FYB1: variants seen among roughly 807,000 people sequenced by gnomAD.
FYB1 encodes the protein FYN-binding protein 1.
A neutral mutation model predicts 94.1 loss-of-function variants in FYB1; 41 were observed. The observed-to-expected ratio is 0.44, with a 90% CI of 0.34 to 0.57. FYB1 has a LOEUF of 0.57. Ranked by LOEUF, FYB1 falls within the 20% of genes least tolerant of loss-of-function variation. FYB1 has a pLI of 0.02. For synonymous variants in FYB1, 367 were observed against 353.2 expected (o/e 1.04, Z -0.44); for missense variants, 1,050 against 976.8 (o/e 1.07, Z -1.00).
intron 5 of FYB1, 28 bp from the exon 6 acceptor site, chr5:39,138,719 A>T (rs1158470763): frequency 7.7e-7 from 1 of 1,305,730 alleles, no homozygotes; most frequent in Non-Finnish European, 1.1e-6. Context: ...GATAATGATT[A>T]ATTTTTATTA....
chr5:39,152,384 T>C (rs1251094039), intron 3 of FYB1, among the ~76,000 whole-genome samples: 2 of 152,228 alleles, frequency 1.3e-5, no homozygotes, highest in African/African-American at 4.8e-5. Flanking sequence ...TCCAATATTG[T>C]TATTAACAGT....
chr5:39,228,890 C>T (rs898757830), intron 1 of FYB1, among the ~76,000 whole-genome samples: 15 of 152,084 alleles, frequency 9.9e-5, no homozygotes, highest in African/African-American at 2.9e-4. Flanking sequence ...CAGTTGATGA[C>T]CCCTTTGGGA....
chr5:39,125,517 A>C (rs1056746459), intron 12 of FYB1, among the ~76,000 whole-genome samples: 2 of 152,216 alleles, frequency 1.3e-5, no homozygotes, highest in South Asian at 4.1e-4. Flanking sequence ...CTTAGAGAAA[A>C]AAATTCAAAA....
intron 2 of FYB1, among the ~76,000 whole-genome samples, chr5:39,195,777 T>A (rs934765138): frequency 6.6e-6 from 1 of 152,216 alleles, no homozygotes; most frequent in Non-Finnish European, 1.5e-5. Context: ...GGGATTCTTA[T>A]GAACCCAAAC....
chr5:39,198,225 G>C (rs920527575), intron 2 of FYB1, among the ~76,000 whole-genome samples: 1 of 152,116 alleles, frequency 6.6e-6, no homozygotes, highest in Non-Finnish European at 1.5e-5. Context: ...CACGGAAAGA[G>C]GTAAAGCGAA....
intron 1 of FYB1, among the ~76,000 whole-genome samples, chr5:39,234,497 A>T (rs1373284968): frequency 6.6e-6 from 1 of 152,214 alleles, no homozygotes; most frequent in African/African-American, 2.4e-5. Context: ...TTCCTCAAGG[A>T]TCTAGAATTA....
At chr5:39,243,577 T>C (rs1436108653) in intron 1 of FYB1, among the ~76,000 whole-genome samples, 5 of 152,188 alleles carry the variant, frequency 3.3e-5, no homozygotes, top group East Asian at 1.9e-4. Context: ...GGTGGCGTGA[T>C]GCCTCCAGCT....
intron 17 of FYB1, among the ~76,000 whole-genome samples, chr5:39,110,026 A>G (rs1738910695): frequency 6.6e-6 from 1 of 152,160 alleles, no homozygotes; most frequent in African/African-American, 2.4e-5. Context: ...TTGCATTAGC[A>G]AGTAAAATGC....
chr5:39,223,108 C>T (rs1035868434), upstream of FYB1, among the ~76,000 whole-genome samples: 19 of 151,560 alleles, frequency 1.3e-4, no homozygotes, highest in African/African-American at 4.6e-4. Flanking sequence ...TACCCTGGAA[C>T]TTAAAATAAA....
intron 1 of FYB1, among the ~76,000 whole-genome samples, chr5:39,253,462 T>C (rs1398816306): frequency 1.3e-5 from 2 of 152,050 alleles, no homozygotes; most frequent in Admixed American, 6.6e-5. Context: ...AACAACAAAA[T>C]CTTTTTTTTA....
chr5:39,125,120 T>A (rs1740516159), intron 12 of FYB1, among the ~76,000 whole-genome samples: 1 of 152,116 alleles, frequency 6.6e-6, no homozygotes, highest in African/African-American at 2.4e-5. Context: ...AGGGTTATAT[T>A]TGAGTAATGC....
intron 2 of FYB1, among the ~76,000 whole-genome samples, chr5:39,155,172 T>C (rs1356121843): frequency 6.6e-6 from 1 of 152,218 alleles, no homozygotes; most frequent in Non-Finnish European, 1.5e-5. Context: ...ACACAGCATG[T>C]GACACAAACA....
chr5:39,194,740 T>C (rs1747678059), intron 2 of FYB1, among the ~76,000 whole-genome samples: 1 of 151,956 alleles, frequency 6.6e-6, no homozygotes, highest in African/African-American at 2.4e-5. Context: ...CCAGGGACAG[T>C]GTGGTTAAGG....
In FYB1 at chr5:39,231,105, G is replaced by C. The variant is rs192679074; in HGVS notation, c.-27-28118C>G. Among the ~76,000 whole-genome samples, 228 of 147,082 alleles carry C rather than the reference G, an allele frequency of 1.6e-3. 2 individuals are homozygous for C. The highest frequency in any genetic ancestry group is 5.4e-3 in the African/African-American group (211 of 38,870). On this transcript the variant is annotated intron_variant, in intron 1 of 1. Coordinates refer to the FYB1 transcript ENST00000510188. The stretch of plus-strand genomic sequence containing the variant: ...TATTAATCAAGACATATTTATTCCA[G>C]GAGGCAGTTTGATGGAATAGAAAAA...
At chr5:39,214,150 A>C (rs1414120497) in intron 1 of FYB1, among the ~76,000 whole-genome samples, 1 of 152,140 alleles carries the variant, frequency 6.6e-6, no homozygotes, top group African/African-American at 2.4e-5. Context: ...ATTTCTAGAC[A>C]GAATTTTCTT....
intron 2 of FYB1, among the ~76,000 whole-genome samples, chr5:39,193,856 A>G (rs1029559968): frequency 1.1e-4 from 16 of 152,350 alleles, no homozygotes; most frequent in Admixed American, 1.0e-3. Flanking sequence ...GCTAACATTT[A>G]TGCCACAGAA....
At chr5:39,156,250 G>C (rs1743741043) in intron 2 of FYB1, among the ~76,000 whole-genome samples, 1 of 152,052 alleles carries the variant, frequency 6.6e-6, no homozygotes, top group African/African-American at 2.4e-5. Context: ...GACTCTAATG[G>C]GCCCTCTGTG....
intron 13 of FYB1, 68 bp from the exon 14 acceptor site, chr5:39,122,470 A>T: frequency 1.1e-6 from 1 of 904,534 alleles, no homozygotes; most frequent in Non-Finnish European, 1.8e-6. Flanking sequence ...GCATTCAATG[A>T]TGTTTTTAAT....
intron 2 of FYB1, among the ~76,000 whole-genome samples, chr5:39,194,161 C>A (rs1579630768): frequency 6.6e-6 from 1 of 152,306 alleles, no homozygotes; most frequent in East Asian, 1.9e-4. Context: ...AGGTTGTCTG[C>A]ATACTTCTCC....
Sources: gnomAD v4.1 joint callset for allele counts (sites outside exome capture counted in the v4.1 genomes callset) on GRCh38, gnomAD v4.1.1 for gene constraint, MANE v1.5 for transcripts, NCBI Gene and HGNC (gene_info 2026-07-23, HGNC 2026-07-21) for gene names.